FLCN: variants seen among roughly 807,000 people sequenced by gnomAD.
FLCN encodes the protein BHD skin lesion fibrofolliculoma protein.
FLCN carries 22 observed loss-of-function variants against 62.5 expected under a neutral mutation model. The observed-to-expected ratio is 0.35, with a 90% CI of 0.25 to 0.50. The LOEUF is 0.50. Among genes scored for constraint, FLCN ranks in the 20% least tolerant of loss-of-function variants. The pLI is 0.97. For missense variants in FLCN, 657 were observed against 778.0 expected (o/e 0.84, Z 1.85); for synonymous variants, 319 against 310.0 (o/e 1.03, Z -0.30).
intron 9 of FLCN, 108 bp downstream of exon 9, chr17:17,218,911 C>T (rs944863168): frequency 7.6e-7 from 1 of 1,318,230 alleles, no homozygotes; most frequent in South Asian, 1.3e-5. Context: ...CAGTCACTTC[C>T]TGCAGGGTTT....
intron 4 of FLCN, 29 bp downstream of exon 4, chr17:17,227,860 C>A: frequency 6.2e-7 from 1 of 1,613,966 alleles, no homozygotes; most frequent in Non-Finnish European, 8.5e-7. Context: ...CTGCAGGGAT[C>A]ACAAAACCAA....
rs770988236 is a variant in FLCN at position 17,219,191 on chromosome 17, T to C, written c.890A>G (p.Glu297Gly). ...EKLADLEEES[E>G]SWDNSEAEEE... ...TTCAGCCTCAGAGTTGTCCCAGCTTTCTGATTCCTCTTCTAAATCTGCAAG... is the reference window on the plus strand; with the variant it reads ...TTCAGCCTCAGAGTTGTCCCAGCTTCCTGATTCCTCTTCTAAATCTGCAAG... The change falls in exon 9 of 14, where the codon GAA (glutamate) becomes GGA (glycine). Residue 297 changes from glutamate to glycine, a missense_variant. By Grantham distance (98) the Glu-to-Gly change is moderately conservative. Transcript: ENST00000285071. 1 of 1,614,090 alleles carries C rather than the reference T, an allele frequency of 6.2e-7. No individual in the cohort carries two copies. Among genetic ancestry groups the C allele is most frequent in the Non-Finnish European group, 8.5e-7 (1 of 1,179,998 alleles).
intron 1 of FLCN, chr17:17,235,984 C>T (rs891666887): frequency 6.6e-6 from 1 of 152,220 alleles, no homozygotes; most frequent in African/African-American, 2.4e-5. Flanking sequence ...GACCTCACCA[C>T]CACCCGTGGT....
intron 3 of FLCN, among the ~76,000 whole-genome samples, chr17:17,230,697 G>A (rs2047395012): frequency 6.7e-6 from 1 of 148,272 alleles, no homozygotes; most frequent in South Asian, 2.1e-4. Context: ...CTGCACTCCA[G>A]CCTTTATGAC....
rs748363919 is a variant in FLCN at position 17,223,985 on chromosome 17, G to T, written c.555C>A (p.Ser185=). Residue 185 remains serine, a synonymous_variant, in exon 6 of 14, where the codon TCC becomes TCA. Transcript: ENST00000285071. The part of the protein sequence containing the change: ...IMMDRIYLIN[S]WPFLLGKVRG... Reference sequence around the variant, plus strand: ...GGACCTTCCCCAGCAGGAAGGGCCAGGAGTTGATGAGGTAGATCCGGTCCA... The same window carrying T: ...GGACCTTCCCCAGCAGGAAGGGCCATGAGTTGATGAGGTAGATCCGGTCCA... 6.2e-6 allele frequency: 10 copies of T among 1,613,686 alleles called. No individual in the cohort carries two copies. Among genetic ancestry groups the T allele is most frequent in the Non-Finnish European group, 8.5e-6 (10 of 1,180,032 alleles).
intron 13 of FLCN, 98 bp downstream of exon 13, chr17:17,214,887 C>T (rs2046862328): frequency 7.7e-7 from 1 of 1,290,768 alleles, no homozygotes; most frequent in African/African-American, 1.5e-5. Flanking sequence ...TCTCTCGGCT[C>T]CTCCCTCAGT....
rs2046938025 is a variant in FLCN at position 17,216,757 on chromosome 17, C to T, written c.1177-254G>A. ...CGCCCCTCGCTCTGTGGTGTTAACT[C>T]ATATTAATGTTTGCCTGCACAGATG... On this transcript the variant is annotated intron_variant, in intron 10 of 13. Transcript: ENST00000285071. The surrounding 1 kb of genome is among the most constrained non-coding windows in gnomAD (Gnocchi z 4.0). Among the ~76,000 whole-genome samples the T allele has an allele frequency of 2.0e-5, 3 of 152,210 alleles. No individual in the cohort carries two copies. Among genetic ancestry groups the T allele is most frequent in the Admixed American group, 6.5e-5 (1 of 15,280 alleles).
In FLCN at chr17:17,228,038, C is replaced by T. The variant is rs2047310577; in HGVS notation, c.100G>A (p.Gly34Arg). The change falls in exon 4 of 14, where the codon GGG becomes AGG. Residue 34 changes from glycine to arginine, a missense_variant. Transcript: ENST00000285071. ...CCCTGGCCAGGACTGTCCTCATTCC[C>T]ATCCCCTTGAGGAAGTGGGGCGTGC... ...VLHAPLPQGD[G>R]NEDSPGQGEQ... is the part of the protein sequence containing the mutation. 1.2e-6 allele frequency: 2 copies of T among 1,613,906 alleles called. No individual in the cohort carries two copies. Among genetic ancestry groups the T allele is most frequent in the South Asian group, 2.2e-5 (2 of 91,086 alleles).
At chr17:17,227,817 T>C in intron 4 of FLCN, 72 bp downstream of exon 4, 3 of 1,610,504 alleles carry the variant, frequency 1.9e-6, no homozygotes, top group Middle Eastern at 1.9e-4. Flanking sequence ...CCCCGTCCAC[T>C]GCTCTCAGGT....
rs750146811 is a variant in FLCN at position 17,227,899 on chromosome 17, TCCGA to T, written c.235_238del (p.Ser79ThrfsTer50). 1.9e-6 allele frequency: 3 copies of T among 1,614,124 alleles called. No homozygotes were observed. The highest frequency in any genetic ancestry group is 2.5e-6 in the Non-Finnish European group (3 of 1,180,032). ...CCCAAAGACACTTGCCTCGCACATGTCCGACTTTTTGGGCCCCGGGCTGCTGGAC... is the reference window on the plus strand; with the variant it reads ...CCCAAAGACACTTGCCTCGCACATGTCTTTTTGGGCCCCGGGCTGCTGGAC... On this transcript the variant is annotated frameshift_variant, in exon 4 of 14. Coordinates refer to ENST00000285071, the MANE Select transcript of FLCN (RefSeq NM_144997.7). LOFTEE classifies it high-confidence loss of function.
chr17:17,216,565 T>G lies in FLCN; in HGVS notation c.1177-62A>C. The G allele has an allele frequency of 1.9e-6, 3 of 1,606,460 alleles. No homozygotes were observed. Among genetic ancestry groups the G allele is most frequent in the Non-Finnish European group, 1.7e-6 (2 of 1,178,044 alleles). ...GGAAGCCCTCAGCCCCGGCCATCCATGCTCTACTACCCAAACCCCACACGC... is the reference window on the plus strand; with the variant it reads ...GGAAGCCCTCAGCCCCGGCCATCCAGGCTCTACTACCCAAACCCCACACGC... On this transcript the variant is annotated intron_variant, in intron 10 of 13. Transcript: ENST00000285071. This position sits in a 1 kb window ranked among gnomAD's most constrained non-coding sequence, Gnocchi z 4.0.
In FLCN at chr17:17,213,625, C is replaced by T. The variant is rs747413239; in HGVS notation, c.*30G>A. The T allele has an allele frequency of 3.1e-6, 5 of 1,613,638 alleles. No homozygotes were observed. Among genetic ancestry groups the T allele is most frequent in the Non-Finnish European group, 4.2e-6 (5 of 1,179,572 alleles). On this transcript the variant is annotated 3_prime_UTR_variant, in exon 14 of 14. Coordinates refer to ENST00000285071, the MANE Select transcript of FLCN (RefSeq NM_144997.7). The stretch of plus-strand genomic sequence containing the variant: ...GCTGGAGGATCCTGTGGACAGCCAT[C>T]CCTGTCTTTAGGCAGGTGTGTGTGA...
At chr17:17,223,077 G>A (rs1418975693) in intron 6 of FLCN, 1 of 308,046 alleles carries the variant, frequency 3.2e-6, no homozygotes. Flanking sequence ...CTGGAGGGCA[G>A]AAGGAGCAAC....
In FLCN at chr17:17,216,405, C is replaced by T. The variant is rs1555607680; in HGVS notation, c.1275G>A (p.Gln425=). 6.2e-7 allele frequency: 1 copy of T among 1,613,670 alleles called. No homozygotes were observed. The highest frequency in any genetic ancestry group is 8.5e-7 in the Non-Finnish European group (1 of 1,179,766). The change falls in exon 11 of 14, where the codon CAG becomes CAA. Residue 425 remains glutamine (Q), a synonymous_variant. Transcript: ENST00000285071. This position sits in a 1 kb window ranked among gnomAD's most constrained non-coding sequence, Gnocchi z 4.0. The part of the protein sequence containing the change: ...CNFLGLSPHV[Q]IPPHVLSSEF... ...CTGAGGAGAGCACGTGGGGGGGGAT[C>T]TGCACGTGCGGGCTGAGCCCCAGGA...
intron 7 of FLCN, 106 bp from the exon 8 acceptor site, chr17:17,221,734 A>G: frequency 8.1e-7 from 1 of 1,236,660 alleles, no homozygotes; most frequent in Non-Finnish European, 1.1e-6. Flanking sequence ...ATGGGTATAA[A>G]AGAACACCAG....
rs1024543826 is a variant in FLCN at position 17,219,049 on chromosome 17, T to C, written c.1032A>G (p.Pro344=). The C allele has an allele frequency of 1.2e-6, 2 of 1,613,750 alleles. No homozygotes were observed. The highest frequency in any genetic ancestry group is 2.7e-5 in the African/African-American group (2 of 74,924). ...GCGSWQPRKL[P]VFKSLRHMRQ... is the part of the protein sequence containing the mutation. ...TCATGTGCCGGAGGGACTTGAAGACTGGCAGCTTCCGGGGCTGCCAGCTCC... is the reference window on the plus strand; with the variant it reads ...TCATGTGCCGGAGGGACTTGAAGACCGGCAGCTTCCGGGGCTGCCAGCTCC... The change falls in exon 9 of 14, where the codon CCA becomes CCG. Residue 344 remains proline (P), a synonymous_variant. Coordinates refer to ENST00000285071, the MANE Select transcript of FLCN (RefSeq NM_144997.7).
chr17:17,221,332 A>T (rs954495126), intron 8 of FLCN: 2 of 1,562,790 alleles, frequency 1.3e-6, no homozygotes, highest in East Asian at 4.8e-5. Flanking sequence ...ATTCTTTCAC[A>T]TGGCGGTCAA....
In FLCN at chr17:17,214,127, T is replaced by C. The variant is rs544357773; in HGVS notation, c.1539-271A>G. 4.0e-5 allele frequency among the ~76,000 whole-genome samples: 6 copies of C among 149,118 alleles called. No homozygotes were observed. The East Asian group carries it at 9.7e-4, about 24-fold the overall frequency. ...GCTTCCCACACCCTCCCTCAAGCTGTTGTCAAGACGCCAAGAAGAAAGAAA... is the reference window on the plus strand; with the variant it reads ...GCTTCCCACACCCTCCCTCAAGCTGCTGTCAAGACGCCAAGAAGAAAGAAA... On this transcript the variant is annotated intron_variant, in intron 13 of 13. Coordinates refer to ENST00000285071, the MANE Select transcript of FLCN (RefSeq NM_144997.7).
intron 3 of FLCN, chr17:17,229,215 T>G (rs1232773782): frequency 6.6e-6 from 1 of 152,164 alleles, no homozygotes; most frequent in Non-Finnish European, 1.5e-5. Context: ...CTCCGTGGAG[T>G]GCAGCCCTTG....
Sources: gnomAD v4.1 joint callset for allele counts (sites outside exome capture counted in the v4.1 genomes callset) on GRCh38, gnomAD v4.1.1 for gene constraint, Gnocchi (gnomAD v3.1) non-coding constraint, MANE v1.5 for transcripts, NCBI Gene and HGNC (gene_info 2026-07-23, HGNC 2026-07-21) for gene names.